Variants in ANXA8 observed in about 807,000 individuals in gnomAD.
ANXA8 encodes annexin A8.
A neutral mutation model predicts 26.8 loss-of-function variants in ANXA8; 9 were observed. The observed-to-expected ratio is 0.34, with a 90% CI of 0.20 to 0.59. ANXA8 has a LOEUF of 0.59. ANXA8 is among the 20% of genes least tolerant of loss of function. The pLI is 0.84. For missense variants in ANXA8, 83 were observed against 238.5 expected (o/e 0.35, Z 4.29); for synonymous variants, 39 against 94.8 (o/e 0.41, Z 3.42).
chr10:47,944,525 T>C, the ANXA8 span, among the ~76,000 whole-genome samples: 1 of 150,516 alleles, frequency 6.6e-6, no homozygotes, highest in Non-Finnish European at 1.5e-5. Flanking sequence ...TCTTGAATGA[T>C]AGCTCCCATA....
chr10:47,603,277 T>C, the ANXA8 span, among the ~76,000 whole-genome samples: 1 of 149,064 alleles, frequency 6.7e-6, no homozygotes, highest in African/African-American at 2.6e-5. Flanking sequence ...TAAATTATTA[T>C]ATACGGCCAA....
chr10:47,624,262 A>AAG, the ANXA8 span, among the ~76,000 whole-genome samples: 1 of 106,484 alleles, frequency 9.4e-6, no homozygotes, highest in African/African-American at 3.5e-5. Flanking sequence ...AAAAAAAAAA[A>AAG]AAGAAGTAAA....
At chr10:47,506,414 T>G in the ANXA8 span, among the ~76,000 whole-genome samples, 1 of 139,196 alleles carries the variant, frequency 7.2e-6, no homozygotes, top group South Asian at 2.3e-4. Flanking sequence ...CACTGCAACC[T>G]CCACCTCCCA....
At chr10:47,734,923 G>A in the ANXA8 span, among the ~76,000 whole-genome samples, 4 of 125,756 alleles carry the variant, frequency 3.2e-5, no homozygotes, top group Admixed American at 1.6e-4. Flanking sequence ...GGAGGCTGAG[G>A]CAGGAGAATT....
chr10:47,936,981 A>C, the ANXA8 span, among the ~76,000 whole-genome samples: 1 of 149,886 alleles, frequency 6.7e-6, no homozygotes, highest in Non-Finnish European at 1.5e-5. Context: ...AGCTTGCTAA[A>C]GGGAGGCTGC....
chr10:47,976,652 C>A, the ANXA8 span, among the ~76,000 whole-genome samples: 1 of 148,560 alleles, frequency 6.7e-6, no homozygotes, highest in East Asian at 2.0e-4. Flanking sequence ...AGGTTTAGAG[C>A]TCTCCAAAAA....
chr10:47,632,298 T>C, the ANXA8 span, among the ~76,000 whole-genome samples: 10 of 150,520 alleles, frequency 6.6e-5, no homozygotes, highest in Admixed American at 3.3e-4. Context: ...GATAATTATT[T>C]TGAGATCCTA....
chr10:47,915,081 G>A, the ANXA8 span, among the ~76,000 whole-genome samples: 17 of 152,142 alleles, frequency 1.1e-4, no homozygotes, highest in Admixed American at 3.3e-4. Context: ...GACAGCTTCC[G>A]GGAGCTAGCT....
At chr10:47,941,103 T>TGTATATATCA in the ANXA8 span, among the ~76,000 whole-genome samples, 1 of 145,648 alleles carries the variant, frequency 6.9e-6, no homozygotes, top group African/African-American at 2.6e-5. Flanking sequence ...CTATAACATT[T>TGTATATATCA]GTATATATCA....
chr10:47,593,628 A>G, the ANXA8 span, among the ~76,000 whole-genome samples: 2 of 149,722 alleles, frequency 1.3e-5, no homozygotes, highest in Non-Finnish European at 2.9e-5. Flanking sequence ...GCAGCAACCT[A>G]TCTGTAACCA....
the ANXA8 span, among the ~76,000 whole-genome samples, chr10:47,649,417 T>C: frequency 6.6e-6 from 1 of 151,544 alleles, no homozygotes; most frequent in Non-Finnish European, 1.5e-5. Context: ...AATTAAATTT[T>C]TTTTTTTGGT....
chr10:47,468,964 T>G (rs1839206504), intron 11 of ANXA8, 58 bp from the exon 12 acceptor site: 1 of 1,584,190 alleles, frequency 6.3e-7, no homozygotes, highest in Admixed American at 1.8e-5. Flanking sequence ...GGCTCGGCAG[T>G]GGCGGCTGTG....
the ANXA8 span, among the ~76,000 whole-genome samples, chr10:47,501,370 C>T: frequency 1.4e-5 from 2 of 143,944 alleles, no homozygotes; most frequent in African/African-American, 5.1e-5. Flanking sequence ...CTTATCTCAA[C>T]TAGCTGACAT....
At chr10:47,743,011 A>T in the ANXA8 span, among the ~76,000 whole-genome samples, 1 of 142,292 alleles carries the variant, frequency 7.0e-6, no homozygotes, top group Admixed American at 7.1e-5. Flanking sequence ...AAAAAAAAAA[A>T]ATACAAAAAA....
the ANXA8 span, among the ~76,000 whole-genome samples, chr10:47,676,342 C>A: frequency 1.3e-5 from 2 of 151,774 alleles, no homozygotes; most frequent in African/African-American, 2.4e-5. Flanking sequence ...AAATCCCAAG[C>A]AAGTTAAATA....
At chr10:47,898,811 A>ATTTTT in the ANXA8 span, among the ~76,000 whole-genome samples, 3,510 of 56,154 alleles carry the variant, frequency 0.063, 392 homozygotes, top group Middle Eastern at 0.096. Flanking sequence ...AAGAGAATGG[A>ATTTTT]TTTTTTTTTT....
At chr10:47,705,481 A>C in the ANXA8 span, among the ~76,000 whole-genome samples, 1 of 134,806 alleles carries the variant, frequency 7.4e-6, no homozygotes, top group Non-Finnish European at 1.6e-5. Context: ...TGGGAAATGT[A>C]GATATCTCTG....
At chr10:47,498,957 C>T in the ANXA8 span, among the ~76,000 whole-genome samples, 2 of 134,302 alleles carry the variant, frequency 1.5e-5, no homozygotes, top group Non-Finnish European at 3.1e-5. Context: ...CAAAAATTAG[C>T]CAGGCGTGGT....
intron 7 of ANXA8, among the ~76,000 whole-genome samples, 195 bp downstream of exon 7, chr10:47,474,750 C>A (rs1266673752): frequency 1.0e-5 from 1 of 100,432 alleles, no homozygotes; most frequent in Non-Finnish European, 2.0e-5. Flanking sequence ...TGCTCCCCCA[C>A]CCCCAAGTCA....
Sources: gnomAD v4.1 joint callset for allele counts (sites outside exome capture counted in the v4.1 genomes callset) on GRCh38, gnomAD v4.1.1 for gene constraint, MANE v1.5 for transcripts, NCBI Gene and HGNC (gene_info 2026-07-23, HGNC 2026-07-21) for gene names.